LIMS1: variants seen among roughly 807,000 people sequenced by gnomAD.
LIMS1 encodes LIM zinc finger domain containing 1.
Under a neutral mutation model 44.1 loss-of-function variants are expected in LIMS1, and 18 were observed. That is an observed-to-expected ratio of 0.41 (90% CI 0.28 to 0.61). LIMS1 has a LOEUF of 0.61. Ranked by LOEUF, LIMS1 falls within the 20% of genes least tolerant of loss-of-function variation. LIMS1 has a pLI of 0.32. For missense variants in LIMS1, 201 were observed against 422.0 expected (o/e 0.48, Z 4.59); for synonymous variants, 93 against 149.1 (o/e 0.62, Z 2.74).
chr2:108,614,719 ATG>A (rs1322144494), intron 1 of LIMS1, among the ~76,000 whole-genome samples: 1 of 152,220 alleles, frequency 6.6e-6, no homozygotes, highest in Non-Finnish European at 1.5e-5. Context: ...ACAGCTTGTT[ATG>A]TGTGTTGTTG....
chr2:108,673,380 T>C, intron 5 of LIMS1: 1 of 329,884 alleles, frequency 3.0e-6, no homozygotes, highest in Non-Finnish European at 5.6e-6. Context: ...CACGATACTT[T>C]TTGTAAATTT....
chr2:108,577,969 G>C (rs776731679), intron 1 of LIMS1, among the ~76,000 whole-genome samples: 47 of 152,172 alleles, frequency 3.1e-4, no homozygotes, highest in Non-Finnish European at 5.3e-4. Context: ...GAGTGCAGTG[G>C]CACAGTCTCG....
At chr2:108,679,927 C>G (rs533779998) in intron 8 of LIMS1, among the ~76,000 whole-genome samples, 1 of 151,654 alleles carries the variant, frequency 6.6e-6, no homozygotes, top group Non-Finnish European at 1.5e-5. Flanking sequence ...AAGAAGCTCT[C>G]AGGAAAGAGG....
intron 1 of LIMS1, among the ~76,000 whole-genome samples, chr2:108,550,005 A>G (rs1165313927): frequency 1.3e-5 from 2 of 152,200 alleles, no homozygotes; most frequent in Non-Finnish European, 2.9e-5. Flanking sequence ...TAAAAGGATC[A>G]CTTAAAATGC....
At chr2:108,542,913 A>G (rs1684360856) in intron 1 of LIMS1, among the ~76,000 whole-genome samples, 1 of 152,252 alleles carries the variant, frequency 6.6e-6, no homozygotes, top group African/African-American at 2.4e-5. Context: ...TGTGTGCAAC[A>G]CACAAACTTC....
intron 1 of LIMS1, among the ~76,000 whole-genome samples, chr2:108,561,530 A>G (rs1358133815): frequency 6.6e-6 from 1 of 150,980 alleles, no homozygotes; most frequent in African/African-American, 2.4e-5. Flanking sequence ...ATGGAGAAAG[A>G]TATACCTCAT....
intron 5 of LIMS1, 27 bp from the exon 6 acceptor site, chr2:108,675,851 T>C: frequency 6.2e-6 from 10 of 1,613,942 alleles, no homozygotes; most frequent in Non-Finnish European, 8.5e-6. Context: ...CTCTTAGTAT[T>C]AAGCTGTGTG....
chr2:108,674,120 G>C (rs1287892407), intron 5 of LIMS1, among the ~76,000 whole-genome samples: 1 of 151,862 alleles, frequency 6.6e-6, no homozygotes, highest in Non-Finnish European at 1.5e-5. Context: ...GAGGTCAGGA[G>C]ATCAAGACCA....
intron 2 of LIMS1, 182 bp downstream of exon 2, chr2:108,659,946 G>T: frequency 1.8e-6 from 1 of 569,490 alleles, no homozygotes; most frequent in Non-Finnish European, 3.1e-6. Flanking sequence ...CATATGGGCA[G>T]TGGCATGATT....
At chr2:108,628,324 A>G (rs894867730) in intron 1 of LIMS1, among the ~76,000 whole-genome samples, 4 of 152,094 alleles carry the variant, frequency 2.6e-5, no homozygotes, top group Non-Finnish European at 4.4e-5. Flanking sequence ...AGTGTCTCCC[A>G]TGGCTCTTGA....
At chr2:108,589,274 C>T (rs1261905439) in intron 1 of LIMS1, among the ~76,000 whole-genome samples, 1 of 151,926 alleles carries the variant, frequency 6.6e-6, no homozygotes, top group East Asian at 1.9e-4. Context: ...TTCATATGTA[C>T]ATTGTACAAT....
intron 1 of LIMS1, among the ~76,000 whole-genome samples, chr2:108,642,335 G>GGTTTTT (rs1689725879): frequency 2.9e-5 from 1 of 34,146 alleles, no homozygotes; most frequent in Non-Finnish European, 6.2e-5. Flanking sequence ...AGCTACTAGT[G>GGTTTTT]TTTTTTGTTT....
intron 8 of LIMS1, chr2:108,678,433 A>G (rs937527127): frequency 4.1e-6 from 1 of 246,530 alleles, no homozygotes; most frequent in African/African-American, 2.4e-5. Context: ...CATATCTAGG[A>G]CTTACCACCC....
intron 1 of LIMS1, among the ~76,000 whole-genome samples, chr2:108,559,045 C>T (rs867485032): frequency 6.6e-6 from 1 of 152,172 alleles, no homozygotes; most frequent in Non-Finnish European, 1.5e-5. Context: ...TGATTCCCAC[C>T]GTTAGGGCAG....
At chr2:108,585,631 A>G (rs1248279898) in intron 1 of LIMS1, among the ~76,000 whole-genome samples, 1 of 152,178 alleles carries the variant, frequency 6.6e-6, no homozygotes, top group Non-Finnish European at 1.5e-5. Context: ...CAGAAAGCCA[A>G]GGTCAGGCTG....
At chr2:108,640,740 G>T (rs780457513) in intron 1 of LIMS1, among the ~76,000 whole-genome samples, 8 of 152,146 alleles carry the variant, frequency 5.3e-5, no homozygotes, top group Non-Finnish European at 1.0e-4. Flanking sequence ...ATCAAATCGG[G>T]GTAACTAGCA....
At chr2:108,671,198 C>T (rs1001611147) in intron 3 of LIMS1, among the ~76,000 whole-genome samples, 1 of 151,974 alleles carries the variant, frequency 6.6e-6, no homozygotes, top group African/African-American at 2.4e-5. Context: ...TTCCACATTA[C>T]TTCAGTCATT....
chr2:108,678,925 C>T (rs1692755386), intron 8 of LIMS1, among the ~76,000 whole-genome samples: 1 of 152,094 alleles, frequency 6.6e-6, no homozygotes, highest in Non-Finnish European at 1.5e-5. Flanking sequence ...TGTGCCCAGG[C>T]CAAGGGGGCA....
At chr2:108,534,651 T>A in intron 1 of LIMS1, 57 bp downstream of exon 1, 1 of 1,002,246 alleles carries the variant, frequency 1.0e-6, no homozygotes, top group Non-Finnish European at 1.2e-6. Flanking sequence ...CCGGCGGGCC[T>A]TCGGGCCGGG....
Sources: allele counts gnomAD v4.1 joint callset (sites outside exome capture counted in the v4.1 genomes callset), GRCh38; gene constraint gnomAD v4.1.1; transcripts MANE v1.5; gene names NCBI Gene and HGNC (gene_info 2026-07-23, HGNC 2026-07-21).